The following RAD51B variants were observed in gnomAD, a reference collection of about 807,000 sequenced individuals.
RAD51B encodes RAD51 paralog B, also known as DNA repair protein RAD51 homolog 2.
Under a neutral mutation model 42.2 loss-of-function variants are expected in RAD51B, and 38 were observed. The observed-to-expected ratio is 0.90, with a 90% CI of 0.70 to 1.18. The LOEUF is 1.18. Ranked by LOEUF, RAD51B falls within the 50% of genes most tolerant of loss-of-function variation. The pLI is 0.00. For synonymous variants in RAD51B, 154 were observed against 145.2 expected (o/e 1.06, Z -0.43); for missense variants, 373 against 400.7 (o/e 0.93, Z 0.59).
intron 8 of RAD51B, among the ~76,000 whole-genome samples, chr14:68,381,251 A>G (rs368095914): frequency 6.6e-6 from 1 of 152,224 alleles, no homozygotes; most frequent in Non-Finnish European, 1.5e-5. Context: ...CTACTTTGCC[A>G]GATAGTCTTT....
chr14:68,571,588 CT>C (rs1889704111), intron 10 of RAD51B, among the ~76,000 whole-genome samples: 1 of 152,170 alleles, frequency 6.6e-6, no homozygotes, highest in Non-Finnish European at 1.5e-5. Flanking sequence ...TTTTAGGACC[CT>C]TGTGATTACG....
intron 7 of RAD51B, among the ~76,000 whole-genome samples, chr14:68,075,662 A>G (rs1204769146): frequency 6.6e-6 from 1 of 151,792 alleles, no homozygotes; most frequent in Admixed American, 6.6e-5. Flanking sequence ...TGCCTTTGGG[A>G]GCTGCACCCC....
intron 7 of RAD51B, among the ~76,000 whole-genome samples, chr14:67,969,158 C>A (rs183911839): frequency 6.6e-6 from 1 of 152,120 alleles, no homozygotes; most frequent in Non-Finnish European, 1.5e-5. Context: ...TCTCCCACAA[C>A]GTGTAGGAAT....
intron 7 of RAD51B, among the ~76,000 whole-genome samples, chr14:68,168,713 A>G (rs747798907): frequency 1.4e-4 from 22 of 152,178 alleles, no homozygotes; most frequent in Admixed American, 1.1e-3. Flanking sequence ...AGCATAGTTC[A>G]CTGGATAAGG....
At chr14:68,609,984 G>A (rs774806518) in intron 10 of RAD51B, among the ~76,000 whole-genome samples, 1 of 151,758 alleles carries the variant, frequency 6.6e-6, no homozygotes, top group Non-Finnish European at 1.5e-5. Flanking sequence ...CCAGCACATC[G>A]CTTCTGTCTC....
At chr14:68,320,614 A>G (rs1952140649) in intron 8 of RAD51B, among the ~76,000 whole-genome samples, 1 of 152,256 alleles carries the variant, frequency 6.6e-6, no homozygotes, top group Admixed American at 6.5e-5. Context: ...TTAAGAAGTA[A>G]CAAAAATATA....
intron 7 of RAD51B, among the ~76,000 whole-genome samples, chr14:68,260,635 T>C: frequency 6.6e-6 from 1 of 152,180 alleles, no homozygotes; most frequent in Non-Finnish European, 1.5e-5. Flanking sequence ...TTGGCCTCTG[T>C]GTTTAACATT....
At chr14:68,509,162 T>G (rs1265843300) in intron 10 of RAD51B, among the ~76,000 whole-genome samples, 2 of 152,206 alleles carry the variant, frequency 1.3e-5, no homozygotes, top group African/African-American at 2.4e-5. Context: ...GTGAGTGTAG[T>G]CTGGCCTGTC....
intron 7 of RAD51B, among the ~76,000 whole-genome samples, chr14:68,269,537 T>A (rs1219493142): frequency 6.6e-6 from 1 of 152,226 alleles, no homozygotes; most frequent in Non-Finnish European, 1.5e-5. Flanking sequence ...ATGTCCTGTC[T>A]CAGACAGGAC....
chr14:67,896,892 C>CAG (rs2043439166), intron 7 of RAD51B, among the ~76,000 whole-genome samples: 1 of 152,018 alleles, frequency 6.6e-6, no homozygotes, highest in South Asian at 2.1e-4. Context: ...TAGCATAAAA[C>CAG]AGATATATAG....
intron 8 of RAD51B, among the ~76,000 whole-genome samples, chr14:68,313,863 T>C (rs2082007918): frequency 6.6e-6 from 1 of 152,236 alleles, no homozygotes; most frequent in Admixed American, 6.5e-5. Context: ...GATTGTTCAC[T>C]ACCAGGATTC....
At chr14:68,056,012 C>G (rs910145935) in intron 7 of RAD51B, among the ~76,000 whole-genome samples, 1 of 152,044 alleles carries the variant, frequency 6.6e-6, no homozygotes, top group Non-Finnish European at 1.5e-5. Flanking sequence ...TTTTAGTGCC[C>G]TTGAAATAAT....
At chr14:68,473,192 T>C (rs1199705949) in intron 10 of RAD51B, among the ~76,000 whole-genome samples, 1 of 152,122 alleles carries the variant, frequency 6.6e-6, no homozygotes, top group Non-Finnish European at 1.5e-5. Context: ...AAATACCACC[T>C]CCGCACCTGG....
intron 10 of RAD51B, among the ~76,000 whole-genome samples, chr14:68,582,481 C>T (rs895987435): frequency 1.1e-4 from 17 of 152,156 alleles, no homozygotes; most frequent in Admixed American, 5.2e-4. Context: ...GTAAGAATGG[C>T]GATCATTAAA....
At chr14:68,318,217 C>A (rs2082095846) in intron 8 of RAD51B, among the ~76,000 whole-genome samples, 1 of 152,194 alleles carries the variant, frequency 6.6e-6, no homozygotes, top group Admixed American at 6.5e-5. Flanking sequence ...AGAGTGAATT[C>A]TATTTTTGTC....
chr14:68,338,346 C>T (rs1387204866), intron 8 of RAD51B, among the ~76,000 whole-genome samples: 3 of 152,196 alleles, frequency 2.0e-5, no homozygotes, highest in Non-Finnish European at 1.5e-5. Flanking sequence ...TCTCTCTGTA[C>T]ATCTGCTTTC....
rs2079874057 is a variant in RAD51B, at chr14:68,219,121, C to T, written c.757-72763C>T. 2.0e-5 allele frequency among the ~76,000 whole-genome samples: 3 copies of T among 152,208 alleles called. No individual in the cohort carries two copies. In the South Asian group the frequency reaches 6.2e-4, roughly 32 times the overall value. ...TAAAACTCCCGGCAGAGCAGCATAG[C>T]TGACAGAGCACCATAATCTTGCGTA... On this transcript the variant is annotated intron_variant, in intron 7 of 10. Transcript: ENST00000471583.
intron 7 of RAD51B, among the ~76,000 whole-genome samples, chr14:68,131,515 G>A (rs1164148887): frequency 6.6e-6 from 1 of 152,148 alleles, no homozygotes; most frequent in Non-Finnish European, 1.5e-5. Context: ...GACCAACATG[G>A]TGAAACCCTG....
At chr14:67,825,071 CTT>C (rs1200198743) in intron 2 of RAD51B, among the ~76,000 whole-genome samples, 6 of 82,110 alleles carry the variant, frequency 7.3e-5, no homozygotes, top group African/African-American at 2.8e-4. Context: ...GAGCAAAACT[CTT>C]GTCTCAAAAA....
Sources: allele counts gnomAD v4.1 joint callset (sites outside exome capture counted in the v4.1 genomes callset), GRCh38; gene constraint gnomAD v4.1.1; transcripts MANE v1.5; gene names NCBI Gene and HGNC (gene_info 2026-07-23, HGNC 2026-07-21).